The following SLC12A5 variants were observed in gnomAD, a reference collection of about 807,000 sequenced individuals.
SLC12A5 encodes the protein K-Cl cotransporter 2.
Under a neutral mutation model 124.0 loss-of-function variants are expected in SLC12A5, and 18 were observed. That is an observed-to-expected ratio of 0.15 (90% CI 0.10 to 0.22). SLC12A5 has a LOEUF of 0.22. Among genes scored for constraint, SLC12A5 ranks in the 10% least tolerant of loss-of-function variants. The pLI is 1.00. For missense variants in SLC12A5, 867 were observed against 1,478.7 expected (o/e 0.59, Z 6.78); for synonymous variants, 589 against 568.0 (o/e 1.04, Z -0.53).
upstream of SLC12A5, among the ~76,000 whole-genome samples, chr20:46,027,212 T>C (rs2084406952): frequency 1.3e-5 from 2 of 152,156 alleles, 1 homozygote; most frequent in Admixed American, 1.3e-4. Context: ...ACCCTTTTGG[T>C]GGTTTTTTTC....
At chr20:46,039,683 G>A (rs1330804856) in intron 6 of SLC12A5, among the ~76,000 whole-genome samples, 1 of 152,054 alleles carries the variant, frequency 6.6e-6, no homozygotes, top group African/African-American at 2.4e-5. Flanking sequence ...GCTGAGGCAG[G>A]AGAATCACTT....
chr20:46,055,096 C>A, intron 21 of SLC12A5, 73 bp downstream of exon 21: 2 of 1,048,826 alleles, frequency 1.9e-6, no homozygotes, highest in East Asian at 4.9e-5. Flanking sequence ...TAGGATGCCT[C>A]AGGGCTGACA....
At chr20:46,025,443 G>A (rs527654910), upstream of SLC12A5, among the ~76,000 whole-genome samples, 26 of 152,236 alleles carry the variant, frequency 1.7e-4, no homozygotes, top group African/African-American at 6.3e-4. Context: ...CAGTTGCCAT[G>A]GTGACAGGCT....
At chr20:46,030,717 G>C (rs1262355210) in intron 1 of SLC12A5, among the ~76,000 whole-genome samples, 2 of 152,154 alleles carry the variant, frequency 1.3e-5, no homozygotes, top group Non-Finnish European at 2.9e-5. Context: ...CCTTGACTCT[G>C]AGGTCCTCCG....
At chr20:46,022,764 C>G (rs1408142389) in intron 1 of SLC12A5, 1 of 398,418 alleles carries the variant, frequency 2.5e-6, no homozygotes, top group Non-Finnish European at 4.4e-6. Flanking sequence ...GGAAGTTACA[C>G]GCAGGGCACA....
Position 46,049,799 on chromosome 20 carries a change from A to C in SLC12A5, c.2181+9A>C, listed in dbSNP as rs753882744. On this transcript the variant is annotated intron_variant, in intron 17 of 25. Coordinates refer to ENST00000243964, the MANE Select transcript of SLC12A5 (RefSeq NM_020708.5). ...CCCAGCGGGCAGAAGAGGTGAGCAGAGGCCCTGGTTGGGCTTGGGAAAAGG... is the reference window on the plus strand; with the variant it reads ...CCCAGCGGGCAGAAGAGGTGAGCAGCGGCCCTGGTTGGGCTTGGGAAAAGG... 2 of 1,580,296 alleles carry C rather than the reference A, an allele frequency of 1.3e-6. No homozygotes were observed. Among genetic ancestry groups the C allele is most frequent in the Non-Finnish European group, 1.7e-6 (2 of 1,162,434 alleles).
At chr20:46,050,199 A>G (rs1324750065) in intron 17 of SLC12A5, among the ~76,000 whole-genome samples, 1 of 152,212 alleles carries the variant, frequency 6.6e-6, no homozygotes, top group Non-Finnish European at 1.5e-5. Flanking sequence ...GAGTATCCAC[A>G]TTTGATACAG....
chr20:46,049,986 A>G (rs1017769149), intron 17 of SLC12A5, among the ~76,000 whole-genome samples, 196 bp downstream of exon 17: 4 of 152,250 alleles, frequency 2.6e-5, no homozygotes, highest in Non-Finnish European at 4.4e-5. Flanking sequence ...ATGAAAGACC[A>G]TCAGAGGCAG....
At chr20:46,030,768 G>C (rs1199798221) in intron 1 of SLC12A5, among the ~76,000 whole-genome samples, 1 of 152,022 alleles carries the variant, frequency 6.6e-6, no homozygotes, top group Non-Finnish European at 1.5e-5. Context: ...TGGAAAGGCT[G>C]GGGACACCAG....
exon 2 of SLC12A5, chr20:46,022,984 G>GAAGAGGAGA: frequency 1.0e-5 from 4 of 384,806 alleles, no homozygotes; most frequent in African/African-American, 2.3e-5. Context: ...GGAAGAGGAG[G>GAAGAGGAGA]AGGAGGAAGA....
chr20:46,032,303 G>C (rs552194989), intron 1 of SLC12A5, among the ~76,000 whole-genome samples: 1 of 152,352 alleles, frequency 6.6e-6, no homozygotes. Flanking sequence ...CCGCGAAGGA[G>C]GAGGCGCTTG....
downstream of SLC12A5, among the ~76,000 whole-genome samples, chr20:46,023,987 C>T (rs2084376620): frequency 6.6e-6 from 1 of 152,154 alleles, no homozygotes; most frequent in African/African-American, 2.4e-5. Context: ...TAAGACGGCC[C>T]TCTCTCATGT....
At chr20:46,024,122 C>G (rs1464052773), downstream of SLC12A5, among the ~76,000 whole-genome samples, 1 of 149,896 alleles carries the variant, frequency 6.7e-6, no homozygotes, top group African/African-American at 2.5e-5. Context: ...GCCTGGAATG[C>G]TGTGTGCTGT....
intron 3 of SLC12A5, 67 bp downstream of exon 3, chr20:46,035,602 G>A (rs144590913): frequency 6.6e-7 from 1 of 1,525,964 alleles, no homozygotes; most frequent in Non-Finnish European, 8.9e-7. Flanking sequence ...GGATGGGGGA[G>A]GAAAATGGAT....
intron 1 of SLC12A5, 99 bp downstream of exon 1, chr20:46,029,495 G>A (rs2084426464): frequency 1.5e-6 from 2 of 1,322,390 alleles, no homozygotes; most frequent in African/African-American, 1.5e-5. Context: ...TCAGAGAGGA[G>A]GCTGGGACTG....
chr20:46,031,643 G>A (rs1426304133), intron 1 of SLC12A5, among the ~76,000 whole-genome samples: 2 of 152,292 alleles, frequency 1.3e-5, no homozygotes, highest in East Asian at 1.9e-4. Context: ...TCTCCCTCTC[G>A]GACCTGGCCT....
Position 46,030,408 on chromosome 20 carries a change from C to A in SLC12A5, c.52+1012C>A, listed in dbSNP as rs540175388. Among the ~76,000 whole-genome samples the A allele has an allele frequency of 4.5e-3, 681 of 152,282 alleles. 5 individuals are homozygous for A. Among genetic ancestry groups the A allele is most frequent in the African/African-American group, 0.015 (639 of 41,566 alleles). ...CGCTGCTCCCGCTCTCCCCCGCCCT[C>A]CTCCGCGGCTTCCTTGCTCCGAGGT... On this transcript the variant is annotated intron_variant, in intron 1 of 25. Coordinates refer to ENST00000243964, the MANE Select transcript of SLC12A5 (RefSeq NM_020708.5).
At chr20:46,035,219 C>T (rs1050427755) in intron 2 of SLC12A5, 177 bp downstream of exon 2, 1 of 987,528 alleles carries the variant, frequency 1.0e-6, no homozygotes, top group African/African-American at 1.6e-5. Flanking sequence ...TCCCTCTGCT[C>T]CCTGCCCTCT....
Position 46,057,429 on chromosome 20 carries a change from G to A in SLC12A5, c.3260-85G>A. ...CAGCACCTCGGACAGGGACACGGGC[G>A]CGAGAGGTCCCCTGGCAGCCGAGCG... On this transcript the variant is annotated intron_variant, in intron 25 of 25. Coordinates refer to ENST00000243964, the MANE Select transcript of SLC12A5 (RefSeq NM_020708.5). This position sits in a 1 kb window ranked among gnomAD's most constrained non-coding sequence, Gnocchi z 7.1. The A allele has an allele frequency of 6.3e-7, 1 of 1,599,788 alleles. No homozygotes were observed. The highest frequency in any genetic ancestry group is 8.6e-7 in the Non-Finnish European group (1 of 1,167,106).
Sources: allele counts gnomAD v4.1 joint callset (sites outside exome capture counted in the v4.1 genomes callset), GRCh38; gene constraint gnomAD v4.1.1; non-coding constraint Gnocchi (gnomAD v3.1); transcripts MANE v1.5; gene names NCBI Gene and HGNC (gene_info 2026-07-23, HGNC 2026-07-21).